Variants in TNFSF8 observed in about 807,000 individuals in gnomAD.
TNFSF8 encodes TNF superfamily member 8, also known as tumor necrosis factor ligand superfamily member 8.
A neutral mutation model predicts 22.0 loss-of-function variants in TNFSF8; 4 were observed. That is an observed-to-expected ratio of 0.18 (90% CI 0.09 to 0.42). TNFSF8 has a LOEUF of 0.42. TNFSF8 is among the 10% of genes least tolerant of loss of function. The pLI is 1.00. For synonymous variants in TNFSF8, 106 were observed against 112.5 expected (o/e 0.94, Z 0.37); for missense variants, 233 against 281.8 (o/e 0.83, Z 1.24).
chr9:114,900,104 A>G (rs1163861169), downstream of TNFSF8, among the ~76,000 whole-genome samples: 2 of 152,210 alleles, frequency 1.3e-5, no homozygotes, highest in African/African-American at 4.8e-5. Flanking sequence ...TCTACTATCT[A>G]ATTCCTTCTC....
chr9:114,927,478 G>A (rs892954242), intron 1 of TNFSF8, among the ~76,000 whole-genome samples: 19 of 152,248 alleles, frequency 1.2e-4, no homozygotes, highest in African/African-American at 4.6e-4. Flanking sequence ...CCATTGGCTA[G>A]GAGTGCCTCT....
intron 2 of TNFSF8, among the ~76,000 whole-genome samples, chr9:114,914,254 G>A (rs543008113): frequency 2.0e-4 from 31 of 152,250 alleles, no homozygotes; most frequent in Non-Finnish European, 3.8e-4. Flanking sequence ...AAGAACAGAG[G>A]GACCTAATAT....
chr9:114,919,593 C>T (rs1827962395), intron 1 of TNFSF8, among the ~76,000 whole-genome samples: 1 of 152,160 alleles, frequency 6.6e-6, no homozygotes, highest in Non-Finnish European at 1.5e-5. Context: ...TTGACCTGCC[C>T]AGGTTGGAAT....
chr9:114,901,921 C>T lies in TNFSF8; in HGVS notation c.*2010G>A. ...TCCATACCACCACTGCTGATTTGTT[C>T]TTTCTTTTTTTCTTTTAAATCTTTT... On this transcript the variant is annotated 3_prime_UTR_variant, in exon 4 of 4. Transcript: ENST00000223795. 46 of 981,060 alleles carry T rather than the reference C, an allele frequency of 4.7e-5. No homozygotes were observed. The highest frequency in any genetic ancestry group is 5.4e-5 in the Non-Finnish European group (45 of 825,998). The allele number at this position is 981,060 out of a possible 1,614,324, so 60.8% of individuals were successfully genotyped here.
At position 114,912,492 on chromosome 9, in the gene TNFSF8, C is replaced by A. The variant is rs533189515; in HGVS notation, c.238+5604G>T. 3.3e-5 allele frequency among the ~76,000 whole-genome samples: 5 copies of A among 152,304 alleles called. No individual in the cohort carries two copies. The South Asian group carries it at 8.3e-4, about 25-fold the overall frequency. On this transcript the variant is annotated intron_variant, in intron 2 of 3. Transcript: ENST00000223795. Reference sequence around the variant, plus strand: ...GCAATCTCCGCCTCTGGGGTTCAAGCGATTCTCCTGCCTCAGCCTCTTGAG... The same window carrying A: ...GCAATCTCCGCCTCTGGGGTTCAAGAGATTCTCCTGCCTCAGCCTCTTGAG...
intron 2 of TNFSF8, among the ~76,000 whole-genome samples, chr9:114,909,786 C>T (rs1827830604): frequency 6.6e-6 from 1 of 152,140 alleles, no homozygotes; most frequent in South Asian, 2.1e-4. Context: ...TTTTCAGACA[C>T]CTGCAGTAGT....
At chr9:114,926,054 T>A (rs1453458392) in intron 1 of TNFSF8, among the ~76,000 whole-genome samples, 4 of 152,240 alleles carry the variant, frequency 2.6e-5, no homozygotes, top group Non-Finnish European at 5.9e-5. Flanking sequence ...GACTTTGTAG[T>A]CTGTTGCAGG....
At chr9:114,894,828 G>T (rs1267035498) in intron 4 of TNFSF8, among the ~76,000 whole-genome samples, 2 of 152,246 alleles carry the variant, frequency 1.3e-5, no homozygotes, top group Non-Finnish European at 2.9e-5. Context: ...TGAGGACTGT[G>T]TGAGTGTATG....
At position 114,903,786 on chromosome 9, in the gene TNFSF8, T is replaced by C; in HGVS notation, c.*145A>G. On this transcript the variant is annotated 3_prime_UTR_variant, in exon 4 of 4. Transcript: ENST00000223795. Reference sequence around the variant, plus strand: ...CTTTTTAACCCTGGAGCTGTATCTTTCCAAGAGACAGAAGGAGAAGTATAC... The same window carrying C: ...CTTTTTAACCCTGGAGCTGTATCTTCCCAAGAGACAGAAGGAGAAGTATAC... 7.0e-7 allele frequency: 1 copy of C among 1,422,088 alleles called. No individual in the cohort carries two copies. The highest frequency in any genetic ancestry group is 9.1e-7 in the Non-Finnish European group (1 of 1,094,896). The allele number at this position is 1,422,088 out of a possible 1,614,324, so 88.1% of individuals were successfully genotyped here.
In TNFSF8 at chr9:114,902,549, CT is replaced by C. The variant is rs1470791659; in HGVS notation, c.*1381del. On this transcript the variant is annotated 3_prime_UTR_variant, in exon 4 of 4. Transcript: ENST00000223795. ...ATTCTGGATGGTCAGTGTGGTAGTT[CT>C]TTCCATTACATCCTTGAGATCCTGC... 3.0e-6 allele frequency: 3 copies of C among 985,346 alleles called. No individual in the cohort carries two copies. The highest frequency in any genetic ancestry group is 1.1e-4 in the East Asian group (1 of 8,826). 61.0% of individuals were successfully genotyped at this position (985,346 alleles called of 1,614,324 possible). A position where few individuals can be genotyped will look rare whatever the true frequency, so the allele number is the denominator to read the frequency against.
At chr9:114,924,018 G>A (rs973594502) in intron 1 of TNFSF8, among the ~76,000 whole-genome samples, 7 of 152,096 alleles carry the variant, frequency 4.6e-5, no homozygotes, top group African/African-American at 1.7e-4. Flanking sequence ...ATAACCATGA[G>A]TTAATACTAA....
intron 4 of TNFSF8, among the ~76,000 whole-genome samples, chr9:114,894,363 C>T (rs994925490): frequency 2.0e-5 from 3 of 151,852 alleles, no homozygotes; most frequent in African/African-American, 7.3e-5. Context: ...CGGAATGGTT[C>T]TTGAGCAATA....
chr9:114,912,418 C>G (rs2131344584), intron 2 of TNFSF8, among the ~76,000 whole-genome samples: 1 of 152,284 alleles, frequency 6.6e-6, no homozygotes, highest in Middle Eastern at 3.4e-3. Context: ...CCTTACCCTC[C>G]CTCACTCTGT....
At position 114,904,447 on chromosome 9, in the gene TNFSF8, T is replaced by C. The variant is rs543388358; in HGVS notation, c.311-122A>G. Reference sequence around the variant, plus strand: ...CATGTTTTCTGTAATGTTCCAATCATCTGAATATCTTCCATGTTACTCCCT... The same window carrying C: ...CATGTTTTCTGTAATGTTCCAATCACCTGAATATCTTCCATGTTACTCCCT... On this transcript the variant is annotated intron_variant, in intron 3 of 3. Transcript: ENST00000223795. 5 of 1,361,324 alleles carry C rather than the reference T, an allele frequency of 3.7e-6. No individual in the cohort carries two copies. In the African/African-American group the frequency reaches 7.3e-5, roughly 20 times the overall value. 84.3% of individuals were successfully genotyped at this position (1,361,324 alleles called of 1,614,324 possible). A position where few individuals can be genotyped will look rare whatever the true frequency, so the allele number is the denominator to read the frequency against.
At chr9:114,928,639 T>G (rs1828093185) in intron 1 of TNFSF8, among the ~76,000 whole-genome samples, 1 of 152,176 alleles carries the variant, frequency 6.6e-6, no homozygotes, top group Non-Finnish European at 1.5e-5. Context: ...CTTGGTTCAC[T>G]CCAAATTAGA....
chr9:114,921,336 T>C (rs2131348551), intron 1 of TNFSF8, among the ~76,000 whole-genome samples: 1 of 152,292 alleles, frequency 6.6e-6, no homozygotes, highest in East Asian at 1.9e-4. Context: ...CAGAGGGAGA[T>C]TGAGACATCT....
chr9:114,909,950 T>C (rs1489822554), intron 2 of TNFSF8, among the ~76,000 whole-genome samples: 1 of 152,202 alleles, frequency 6.6e-6, no homozygotes, highest in Admixed American at 6.5e-5. Context: ...GTTGCCCCTA[T>C]GGCAGGCTGA....
intron 2 of TNFSF8, among the ~76,000 whole-genome samples, chr9:114,916,176 A>G (rs1315448767): frequency 1.3e-5 from 2 of 152,224 alleles, no homozygotes; most frequent in Non-Finnish European, 2.9e-5. Context: ...TCATGTTGTA[A>G]AAAAAGGACA....
chr9:114,912,066 AAGTT>A (rs1408068378), intron 2 of TNFSF8, among the ~76,000 whole-genome samples: 1 of 152,226 alleles, frequency 6.6e-6, no homozygotes, highest in Non-Finnish European at 1.5e-5. Context: ...CAATTTTAGA[AAGTT>A]AGACAGACTT....
Sources: allele counts gnomAD v4.1 joint callset (sites outside exome capture counted in the v4.1 genomes callset), GRCh38; gene constraint gnomAD v4.1.1; transcripts MANE v1.5; gene names NCBI Gene and HGNC (gene_info 2026-07-23, HGNC 2026-07-21).